The following OTUD7A variants were observed in gnomAD, a reference collection of about 807,000 sequenced individuals.
OTUD7A encodes OTU domain-containing protein 7A.
OTUD7A carries 12 observed loss-of-function variants against 65.7 expected under a neutral mutation model. The ratio of observed to expected loss-of-function variants is 0.18; its 90% confidence interval spans 0.12 to 0.30. OTUD7A has a LOEUF of 0.30. Among genes scored for constraint, OTUD7A ranks in the 10% least tolerant of loss-of-function variants. The pLI, the probability that OTUD7A is intolerant of heterozygous loss-of-function variation, is 1.00. For missense variants in OTUD7A, 1,148 were observed against 1,304.8 expected, an observed-to-expected ratio of 0.88 and a Z score of 1.85; for synonymous variants, 641 against 586.3, an observed-to-expected ratio of 1.09 and a Z score of -1.35.
chr15:31,694,915 G>A (rs143854576), intron 1 of OTUD7A, among the ~76,000 whole-genome samples: 2,081 of 151,474 alleles, frequency 0.014, 56 homozygotes, highest in African/African-American at 0.049. Context: ...GCGCGATCTC[G>A]GCTCACTGCA....
intron 3 of OTUD7A, among the ~76,000 whole-genome samples, chr15:31,573,924 C>T (rs1405585797): frequency 2.0e-5 from 3 of 151,854 alleles, no homozygotes; most frequent in Admixed American, 1.3e-4. Flanking sequence ...ACAAAAAAAA[C>T]AAAACTACAG....
intron 1 of OTUD7A, among the ~76,000 whole-genome samples, chr15:31,745,710 T>C (rs537437750): frequency 7.9e-5 from 12 of 152,148 alleles, no homozygotes; most frequent in Non-Finnish European, 1.3e-4. Context: ...ACATAAAAAC[T>C]TCAACTCACT....
At chr15:31,553,697 T>C (rs968038493) in intron 5 of OTUD7A, among the ~76,000 whole-genome samples, 1 of 151,304 alleles carries the variant, frequency 6.6e-6, no homozygotes, top group African/African-American at 2.4e-5. Flanking sequence ...CAGCCCTCCA[T>C]CATCAAGGCC....
chr15:31,712,170 C>T (rs1893463337), intron 1 of OTUD7A, among the ~76,000 whole-genome samples: 1 of 151,530 alleles, frequency 6.6e-6, no homozygotes, highest in Non-Finnish European at 1.5e-5. Context: ...AACTTATTTA[C>T]TTATTGTTTT....
intron 3 of OTUD7A, among the ~76,000 whole-genome samples, chr15:31,604,194 C>G (rs1041758774): frequency 3.9e-5 from 6 of 152,150 alleles, no homozygotes; most frequent in African/African-American, 7.2e-5. Flanking sequence ...GGAACCAGCC[C>G]AAATGTCCAC....
chr15:31,566,688 T>C (rs1888886253), intron 4 of OTUD7A, among the ~76,000 whole-genome samples: 1 of 152,206 alleles, frequency 6.6e-6, no homozygotes, highest in South Asian at 2.1e-4. Context: ...ATGAATGTCT[T>C]GGACTATCCC....
chr15:31,729,792 C>T (rs1427100143), intron 1 of OTUD7A, among the ~76,000 whole-genome samples: 5 of 152,144 alleles, frequency 3.3e-5, no homozygotes, highest in East Asian at 1.9e-4. Flanking sequence ...GCCTCCTGCT[C>T]GTTGTCAGAT....
chr15:31,668,750 G>A (rs933454981), intron 1 of OTUD7A, among the ~76,000 whole-genome samples: 1 of 152,186 alleles, frequency 6.6e-6, no homozygotes, highest in African/African-American at 2.4e-5. Flanking sequence ...AGCAGGGTTG[G>A]TTTTCTGGTT....
chr15:31,740,616 T>A (rs1026759827), intron 1 of OTUD7A, among the ~76,000 whole-genome samples: 3 of 151,044 alleles, frequency 2.0e-5, no homozygotes, highest in African/African-American at 7.3e-5. Flanking sequence ...AAAGAAGGCA[T>A]AAGTGAGAGG....
At chr15:31,572,542 A>T (rs1459067682) in intron 3 of OTUD7A, among the ~76,000 whole-genome samples, 1 of 152,002 alleles carries the variant, frequency 6.6e-6, no homozygotes, top group Non-Finnish European at 1.5e-5. Flanking sequence ...AAATCATTTG[A>T]TTTTTTTTCA....
intron 3 of OTUD7A, among the ~76,000 whole-genome samples, chr15:31,642,735 C>A (rs932049752): frequency 2.6e-5 from 4 of 151,786 alleles, no homozygotes; most frequent in Non-Finnish European, 4.4e-5. Flanking sequence ...GTACTGAGGT[C>A]ATCTCTTTCA....
intron 10 of OTUD7A, among the ~76,000 whole-genome samples, chr15:31,489,753 G>A (rs1361883652): frequency 1.3e-5 from 2 of 152,182 alleles, no homozygotes; most frequent in Non-Finnish European, 2.9e-5. Context: ...AAGCTAAGAC[G>A]GCACCCCAGA....
chr15:31,610,267 A>G (rs766584022), intron 3 of OTUD7A, among the ~76,000 whole-genome samples: 9 of 152,106 alleles, frequency 5.9e-5, no homozygotes, highest in Non-Finnish European at 1.2e-4. Flanking sequence ...AATCCTAACC[A>G]TATATGCACC....
chr15:31,475,454 G>A lies in OTUD7A; in HGVS notation c.*7840C>T, dbSNP rs1401278928. On this transcript the variant is annotated 3_prime_UTR_variant, in exon 13 of 13. Coordinates refer to ENST00000307050, the MANE Select transcript of OTUD7A (RefSeq NM_001382637.1). Reference sequence around the variant, plus strand: ...GGCATCAAAGCTTCTCTCTGTGTCAGGTAATGGAGAAGCCATGTCACACAG... The same window carrying A: ...GGCATCAAAGCTTCTCTCTGTGTCAAGTAATGGAGAAGCCATGTCACACAG... 1 of 152,126 alleles carries A rather than the reference G, an allele frequency of 6.6e-6. No individual in the cohort carries two copies. Among genetic ancestry groups the A allele is most frequent in the Non-Finnish European group, 1.5e-5 (1 of 68,036 alleles). 9.4% of individuals were successfully genotyped at this position (152,126 alleles called of 1,614,324 possible). A position where few individuals can be genotyped will look rare whatever the true frequency, so the allele number is the denominator to read the frequency against.
chr15:31,671,589 TCTA>T (rs1218062850), intron 1 of OTUD7A, among the ~76,000 whole-genome samples: 1 of 152,202 alleles, frequency 6.6e-6, no homozygotes, highest in Non-Finnish European at 1.5e-5. Flanking sequence ...TTTCATAAAA[TCTA>T]CTAATATGAT....
intron 1 of OTUD7A, among the ~76,000 whole-genome samples, chr15:31,681,018 TCTGC>T (rs1892701253): frequency 2.0e-5 from 3 of 149,714 alleles, no homozygotes; most frequent in Admixed American, 6.6e-5. Flanking sequence ...TATGTATCGG[TCTGC>T]CTGCCTGTCT....
intron 3 of OTUD7A, among the ~76,000 whole-genome samples, chr15:31,641,160 G>C (rs1413571396): frequency 1.5e-5 from 2 of 137,156 alleles, no homozygotes; most frequent in Admixed American, 7.1e-5. Flanking sequence ...CTCACGAGAT[G>C]TGAAGGTTTT....
chr15:31,755,621 C>G (rs1223899884), intron 1 of OTUD7A, among the ~76,000 whole-genome samples: 1 of 151,728 alleles, frequency 6.6e-6, no homozygotes, highest in Non-Finnish European at 1.5e-5. Context: ...ACTTGGGAGG[C>G]TGAGGCAGGA....
chr15:31,760,741 A>G (rs2338836), intron 1 of OTUD7A, among the ~76,000 whole-genome samples: 17,976 of 152,158 alleles, frequency 0.12, 1,508 homozygotes, highest in East Asian at 0.47. Flanking sequence ...AGGGATTGAG[A>G]ATAGCCAGGA....
Sources: allele counts gnomAD v4.1 joint callset (sites outside exome capture counted in the v4.1 genomes callset), GRCh38; gene constraint gnomAD v4.1.1; transcripts MANE v1.5; gene names NCBI Gene and HGNC (gene_info 2026-07-23, HGNC 2026-07-21).